ZBTB20: variants seen among roughly 807,000 people sequenced by gnomAD.
ZBTB20 encodes the protein zinc finger and BTB domain containing 20.
A neutral mutation model predicts 56.9 loss-of-function variants in ZBTB20; 9 were observed. The observed-to-expected ratio is 0.16, with a 90% CI of 0.10 to 0.28. ZBTB20 has a LOEUF of 0.28. Ranked by LOEUF, ZBTB20 falls within the 10% of genes least tolerant of loss-of-function variation. The pLI is 1.00. For missense variants in ZBTB20, 655 were observed against 1,003.0 expected (o/e 0.65, Z 4.69); for synonymous variants, 417 against 420.7 (o/e 0.99, Z 0.11).
intron 3 of ZBTB20, among the ~76,000 whole-genome samples, chr3:114,900,963 C>A (rs541368282): frequency 6.6e-6 from 1 of 152,232 alleles, no homozygotes; most frequent in East Asian, 1.9e-4. Flanking sequence ...GACAAAACTG[C>A]CAGCGAAGTA....
intron 1 of ZBTB20, among the ~76,000 whole-genome samples, chr3:115,114,705 GA>G (rs1560583389): frequency 1.3e-5 from 2 of 151,922 alleles, no homozygotes; most frequent in African/African-American, 4.8e-5. Flanking sequence ...ACATTGTAAT[GA>G]AAAGAATTAC....
At chr3:114,757,129 C>G (rs1194494499) in intron 5 of ZBTB20, among the ~76,000 whole-genome samples, 1 of 152,114 alleles carries the variant, frequency 6.6e-6, no homozygotes, top group Non-Finnish European at 1.5e-5. Flanking sequence ...AGCAGCTGGA[C>G]TTCATTTTTG....
intron 4 of ZBTB20, among the ~76,000 whole-genome samples, chr3:114,813,902 T>C (rs979010860): frequency 1.3e-5 from 2 of 152,300 alleles, no homozygotes; most frequent in Non-Finnish European, 2.9e-5. Flanking sequence ...CTTTTAAAAA[T>C]GGGAATACTA....
chr3:114,925,821 T>C lies in ZBTB20; in HGVS notation c.-455-25479A>G, dbSNP rs148041810. On this transcript the variant is annotated intron_variant, in intron 3 of 11. Transcript: ENST00000675478. ...GATTACAGGTGTGAGCCACTGTGCC[T>C]GGCCAATTATGGGTTTTAACTTAGA... 8.9e-3 allele frequency among the ~76,000 whole-genome samples: 1,353 copies of C among 152,308 alleles called. 28 individuals carry two copies. The highest frequency in any genetic ancestry group is 0.07 in the South Asian group (338 of 4,826).
chr3:114,883,619 C>T (rs940787490), intron 4 of ZBTB20, among the ~76,000 whole-genome samples: 1 of 152,042 alleles, frequency 6.6e-6, no homozygotes, highest in Non-Finnish European at 1.5e-5. Flanking sequence ...ATAGTAATAT[C>T]CATCTTGTTT....
chr3:114,621,241 T>C (rs1340804841), intron 6 of ZBTB20, among the ~76,000 whole-genome samples: 1 of 152,206 alleles, frequency 6.6e-6, no homozygotes, highest in Non-Finnish European at 1.5e-5. Context: ...ACTACATCTT[T>C]CTTTTTGCAA....
chr3:115,016,629 G>A (rs1475570512), intron 2 of ZBTB20, among the ~76,000 whole-genome samples: 1 of 151,694 alleles, frequency 6.6e-6, no homozygotes, highest in Non-Finnish European at 1.5e-5. Context: ...GTAGGCATGT[G>A]GTCTCATTTC....
intron 1 of ZBTB20, chr3:115,102,784 T>A (rs567227684): frequency 6.6e-6 from 1 of 151,842 alleles, no homozygotes; most frequent in Non-Finnish European, 1.5e-5. Context: ...CTGGCCAACA[T>A]AGGGAAACCC....
intron 6 of ZBTB20, among the ~76,000 whole-genome samples, chr3:114,680,572 A>T (rs1318506952): frequency 1.3e-5 from 2 of 152,240 alleles, no homozygotes; most frequent in Non-Finnish European, 2.9e-5. Flanking sequence ...TAACTATTAG[A>T]TAAATAAGAT....
At chr3:114,816,992 T>C (rs780165030) in intron 4 of ZBTB20, among the ~76,000 whole-genome samples, 13 of 152,104 alleles carry the variant, frequency 8.5e-5, no homozygotes, top group Non-Finnish European at 1.5e-4. Context: ...AAATATATTA[T>C]TTAAGCTGCA....
At chr3:114,631,171 T>A (rs2058916706) in intron 6 of ZBTB20, among the ~76,000 whole-genome samples, 1 of 152,074 alleles carries the variant, frequency 6.6e-6, no homozygotes, top group African/African-American at 2.4e-5. Flanking sequence ...GACCTAAATG[T>A]ATGCATCAGT....
At chr3:115,044,522 G>C (rs2081266970) in intron 2 of ZBTB20, among the ~76,000 whole-genome samples, 1 of 152,214 alleles carries the variant, frequency 6.6e-6, no homozygotes, top group Non-Finnish European at 1.5e-5. Context: ...GATGATGTTG[G>C]TTTGTAAACT....
intron 4 of ZBTB20, among the ~76,000 whole-genome samples, chr3:114,851,187 T>G (rs1436679100): frequency 6.6e-6 from 1 of 152,086 alleles, no homozygotes; most frequent in African/African-American, 2.4e-5. Context: ...AAAACAGAAA[T>G]CTAGTGTGAT....
At chr3:115,001,088 C>CAAAA in intron 2 of ZBTB20, among the ~76,000 whole-genome samples, 1 of 85,814 alleles carries the variant, frequency 1.2e-5, no homozygotes, top group Non-Finnish European at 2.5e-5. Flanking sequence ...TCCCACAAAT[C>CAAAA]AAAAAAAAAA....
At chr3:114,526,170 T>C (rs2047197853) in intron 6 of ZBTB20, among the ~76,000 whole-genome samples, 1 of 152,234 alleles carries the variant, frequency 6.6e-6, no homozygotes, top group Admixed American at 6.5e-5. Context: ...TCACTCGATT[T>C]GCCCTTTGTC....
chr3:115,094,624 A>T (rs1313851105), intron 1 of ZBTB20, among the ~76,000 whole-genome samples: 2 of 151,624 alleles, frequency 1.3e-5, no homozygotes, highest in East Asian at 3.9e-4. Context: ...CATTCCATTT[A>T]CAGGAAAGAA....
intron 7 of ZBTB20, among the ~76,000 whole-genome samples, chr3:114,467,254 C>A (rs935858428): frequency 6.6e-6 from 1 of 152,150 alleles, no homozygotes; most frequent in Non-Finnish European, 1.5e-5. Context: ...ATACTTAGAT[C>A]TCTAGGGAAG....
At chr3:115,076,440 A>G (rs1428262416) in intron 1 of ZBTB20, among the ~76,000 whole-genome samples, 4 of 152,228 alleles carry the variant, frequency 2.6e-5, no homozygotes, top group Non-Finnish European at 2.9e-5. Context: ...AAGGGTGTCA[A>G]GAATACACAA....
In ZBTB20 at chr3:114,907,758, G is replaced by C. The variant is rs372062980; in HGVS notation, c.-455-7416C>G. Among the ~76,000 whole-genome samples the C allele has an allele frequency of 6.6e-5, 10 of 151,978 alleles. No individual in the cohort carries two copies. The East Asian group carries it at 9.6e-4, about 15-fold the overall frequency. ...TCATTTATTCTAAAATGTTTATTGA[G>C]TACTTACTATGTGACAGGCATTGTT... On this transcript the variant is annotated intron_variant, in intron 3 of 11. Transcript: ENST00000675478.
Sources: gnomAD v4.1 joint callset for allele counts (sites outside exome capture counted in the v4.1 genomes callset) on GRCh38, gnomAD v4.1.1 for gene constraint, MANE v1.5 for transcripts, NCBI Gene and HGNC (gene_info 2026-07-23, HGNC 2026-07-21) for gene names.